Variants in XKR9 observed in about 807,000 individuals in gnomAD.
The protein encoded by XKR9 is XK related 9.
XKR9 carries 32 observed loss-of-function variants against 32.0 expected under a neutral mutation model. The observed-to-expected ratio is 1.00, with a 90% CI of 0.76 to 1.34. The LOEUF (loss-of-function observed/expected upper bound fraction) is 1.34, where lower values mean the gene tolerates loss of function less well. Ranked by LOEUF, XKR9 falls within the 40% of genes most tolerant of loss-of-function variation. The probability of loss-of-function intolerance (pLI) is 0.00; values close to 1 mark genes in which losing one functional copy is unlikely to be tolerated. For synonymous variants in XKR9, 168 were observed against 143.4 expected (o/e 1.17, Z -1.22); for missense variants, 546 against 429.7 (o/e 1.27, Z -2.39).
chr8:71,056,390 G>A, the XKR9 span, among the ~76,000 whole-genome samples: 1 of 152,084 alleles, frequency 6.6e-6, no homozygotes, highest in Non-Finnish European at 1.5e-5. Flanking sequence ...ACTTCAGCAT[G>A]GTAATCAAGT....
the XKR9 span, among the ~76,000 whole-genome samples, chr8:71,003,269 G>C: frequency 6.6e-6 from 1 of 151,832 alleles, no homozygotes; most frequent in African/African-American, 2.4e-5. Flanking sequence ...TCTCATGGTA[G>C]GAAGCTTCAA....
chr8:70,753,740 AAATT>A (rs1056465373), intron 2 of XKR9, among the ~76,000 whole-genome samples: 1 of 151,906 alleles, frequency 6.6e-6, no homozygotes, highest in African/African-American at 2.4e-5. Context: ...AACTCTCAAT[AAATT>A]AGGTACTGAT....
intron 2 of XKR9, among the ~76,000 whole-genome samples, chr8:70,776,947 C>CTCTCTCTCTATATATATATATATATATA: frequency 1.8e-4 from 10 of 54,202 alleles, no homozygotes; most frequent in Non-Finnish European, 2.4e-4. Flanking sequence ...CTCTCTCTCT[C>CTCTCTCTCTATATATATATATATATATA]TATATATATA....
At chr8:70,878,837 A>G in the XKR9 span, among the ~76,000 whole-genome samples, 1 of 152,176 alleles carries the variant, frequency 6.6e-6, no homozygotes, top group East Asian at 1.9e-4. Flanking sequence ...TCCACCCCAA[A>G]TCAACAGAAT....
the XKR9 span, among the ~76,000 whole-genome samples, chr8:70,829,290 A>C: frequency 7.3e-6 from 1 of 136,822 alleles, no homozygotes; most frequent in Admixed American, 7.3e-5. Context: ...AAGTAAGTTA[A>C]AACAATGAAC....
chr8:70,872,109 C>T, the XKR9 span, among the ~76,000 whole-genome samples: 1 of 152,132 alleles, frequency 6.6e-6, no homozygotes, highest in African/African-American at 2.4e-5. Context: ...ACTTCTAGTT[C>T]CATGTTCTAG....
intron 4 of XKR9, among the ~76,000 whole-genome samples, chr8:70,721,145 T>C (rs1314140463): frequency 1.3e-5 from 2 of 152,208 alleles, no homozygotes; most frequent in Non-Finnish European, 2.9e-5. Flanking sequence ...TCAGTGGTGA[T>C]ATCCCCTTTA....
the XKR9 span, among the ~76,000 whole-genome samples, chr8:70,993,600 ATCT>A: frequency 3.8e-5 from 3 of 79,326 alleles, no homozygotes; most frequent in African/African-American, 6.4e-5. Flanking sequence ...TTCATAGGAC[ATCT>A]TCCTTCCTTC....
chr8:70,865,387 T>C, the XKR9 span, among the ~76,000 whole-genome samples: 2 of 152,066 alleles, frequency 1.3e-5, no homozygotes, highest in African/African-American at 4.8e-5. Context: ...AAAATCTAAT[T>C]TAATGCTAAG....
downstream of XKR9, among the ~76,000 whole-genome samples, chr8:70,740,059 G>T (rs1462670028): frequency 2.0e-5 from 3 of 152,234 alleles, no homozygotes; most frequent in Non-Finnish European, 4.4e-5. Context: ...ATCCTGCAGA[G>T]TGTTTTCCAA....
chr8:70,947,112 A>G, the XKR9 span, among the ~76,000 whole-genome samples: 250 of 152,344 alleles, frequency 1.6e-3, 1 homozygote, highest in Middle Eastern at 3.4e-3. Flanking sequence ...CTTGGCAAAA[A>G]GCCCCTGGCA....
intron 2 of XKR9, among the ~76,000 whole-genome samples, chr8:70,777,567 C>T (rs1807546784): frequency 6.6e-6 from 1 of 152,158 alleles, no homozygotes; most frequent in African/African-American, 2.4e-5. Flanking sequence ...ATTTACACTC[C>T]CACCAACAGT....
chr8:70,726,207 C>T (rs1233656764), intron 4 of XKR9, among the ~76,000 whole-genome samples: 3 of 152,200 alleles, frequency 2.0e-5, no homozygotes, highest in Non-Finnish European at 4.4e-5. Context: ...TTTGTAAATA[C>T]ATTATGGGGA....
chr8:70,839,340 T>A, the XKR9 span, among the ~76,000 whole-genome samples: 2 of 152,172 alleles, frequency 1.3e-5, no homozygotes, highest in Admixed American at 1.3e-4. Context: ...TCTGCACCGT[T>A]GTCCCTGAAG....
chr8:70,970,482 C>CA, the XKR9 span, among the ~76,000 whole-genome samples: 1 of 152,076 alleles, frequency 6.6e-6, no homozygotes, highest in African/African-American at 2.4e-5. Context: ...GCCCACCCCC[C>CA]AACAGGCCCC....
At chr8:71,002,578 C>T in the XKR9 span, among the ~76,000 whole-genome samples, 2 of 152,126 alleles carry the variant, frequency 1.3e-5, no homozygotes, top group East Asian at 3.9e-4. Flanking sequence ...ATACGGTCTC[C>T]CTTTTTACTC....
At chr8:70,940,285 G>A in the XKR9 span, among the ~76,000 whole-genome samples, 14 of 152,012 alleles carry the variant, frequency 9.2e-5, no homozygotes, top group Admixed American at 5.9e-4. Context: ...GCTCTGCTTC[G>A]TGATCTCTCT....
At chr8:71,026,357 A>G in the XKR9 span, among the ~76,000 whole-genome samples, 2 of 152,092 alleles carry the variant, frequency 1.3e-5, no homozygotes, top group Admixed American at 6.5e-5. Flanking sequence ...TTCTATTTCT[A>G]TGGTAATAAT....
chr8:70,773,969 T>A (rs1277264923), intron 2 of XKR9, among the ~76,000 whole-genome samples: 1 of 149,256 alleles, frequency 6.7e-6, no homozygotes, highest in Non-Finnish European at 1.5e-5. Flanking sequence ...CAGCAATCTG[T>A]TGGCATCATT....
Sources: gnomAD v4.1 joint callset for allele counts (sites outside exome capture counted in the v4.1 genomes callset) on GRCh38, gnomAD v4.1.1 for gene constraint, MANE v1.5 for transcripts, NCBI Gene and HGNC (gene_info 2026-07-23, HGNC 2026-07-21) for gene names.